The following CUL2 variants were observed in gnomAD, a reference collection of about 807,000 sequenced individuals.
The protein encoded by CUL2 is cullin-2.
In CUL2, 22 loss-of-function variants were observed where a neutral mutation model predicts 110.2. That is an observed-to-expected ratio of 0.20 (90% CI 0.14 to 0.28). The LOEUF is 0.28. CUL2 is among the 10% of genes least tolerant of loss of function. The pLI is 1.00. For synonymous variants in CUL2, 279 were observed against 293.2 expected, an observed-to-expected ratio of 0.95 and a Z score of 0.49; for missense variants, 631 against 905.5, an observed-to-expected ratio of 0.70 and a Z score of 3.89.
intron 1 of CUL2, among the ~76,000 whole-genome samples, chr10:35,076,718 A>G: frequency 6.6e-6 from 1 of 152,260 alleles, no homozygotes; most frequent in East Asian, 1.9e-4. Flanking sequence ...TAAATGGTAT[A>G]CTATTCAGAT....
intron 5 of CUL2, among the ~76,000 whole-genome samples, chr10:35,052,441 T>C (rs187185105): frequency 9.2e-4 from 140 of 152,326 alleles, no homozygotes; most frequent in Non-Finnish European, 1.5e-3. Context: ...GTTCTGCTCA[T>C]GTACCAAGAG....
At chr10:35,055,492 G>A (rs1490295244) in intron 4 of CUL2, among the ~76,000 whole-genome samples, 4 of 152,226 alleles carry the variant, frequency 2.6e-5, no homozygotes, top group African/African-American at 9.6e-5. Flanking sequence ...CAGTGCTTTG[G>A]GAGGCTGAGG....
chr10:35,051,504 T>G lies in CUL2; in HGVS notation c.424-1739A>C, dbSNP rs1356734703. Among the ~76,000 whole-genome samples, 43 of 129,486 alleles carry G rather than the reference T, an allele frequency of 3.3e-4. No homozygotes were observed. In the Middle Eastern group the frequency reaches 0.017, roughly 50 times the overall value. The allele number at this position is 129,486 out of a possible 152,430, so 84.9% of individuals were successfully genotyped here. On this transcript the variant is annotated intron_variant, in intron 5 of 20. Coordinates refer to ENST00000374749, the MANE Select transcript of CUL2 (RefSeq NM_003591.4). The stretch of plus-strand genomic sequence containing the variant: ...GGCGGGCGCCTGTAGTCCCAGCTAC[T>G]CGGGAGGCTGAGGCAGGAGAATGGC...
At chr10:35,016,936 A>G (rs550601086) in intron 17 of CUL2, among the ~76,000 whole-genome samples, 1 of 151,462 alleles carries the variant, frequency 6.6e-6, no homozygotes, top group African/African-American at 2.4e-5. Flanking sequence ...CAAAAAAAAA[A>G]AAAAAACAAA....
intron 4 of CUL2, 86 bp downstream of exon 4, chr10:35,060,788 G>A: frequency 9.5e-7 from 1 of 1,053,946 alleles, no homozygotes; most frequent in Non-Finnish European, 1.4e-6. Flanking sequence ...ATGTGAATGA[G>A]AAATAGGCAA....
At chr10:35,097,345 G>A (rs1378027225) in intron 2 of CUL2, among the ~76,000 whole-genome samples, 2 of 151,980 alleles carry the variant, frequency 1.3e-5, no homozygotes, top group Non-Finnish European at 1.5e-5. Context: ...CCTCAAGGAG[G>A]GAGGATTGCT....
At chr10:35,023,897 C>T (rs768051221) in intron 17 of CUL2, among the ~76,000 whole-genome samples, 8 of 152,110 alleles carry the variant, frequency 5.3e-5, no homozygotes, top group African/African-American at 1.7e-4. Context: ...TGCAGTGGCA[C>T]GATCATGGCT....
intron 1 of CUL2, among the ~76,000 whole-genome samples, chr10:35,106,303 T>C (rs1267088315): frequency 4.7e-5 from 7 of 147,646 alleles, no homozygotes; most frequent in African/African-American, 1.1e-4. Flanking sequence ...ATGTGTTTTT[T>C]GTTTTTTTTT....
Position 35,010,197 on chromosome 10 carries a change from A to C in CUL2, c.*114T>G, listed in dbSNP as rs1194632238. The C allele has an allele frequency of 5.2e-6, 6 of 1,155,770 alleles. No individual in the cohort carries two copies. In the Middle Eastern group the frequency reaches 8.2e-4, roughly 158 times the overall value. 71.6% of individuals were successfully genotyped at this position (1,155,770 alleles called of 1,614,324 possible). The stretch of plus-strand genomic sequence containing the variant: ...ACTGGTGATGTTGTAAACAGCAGAA[A>C]ACAGGGGCTGCCAAATGACCAAATT... On this transcript the variant is annotated 3_prime_UTR_variant, in exon 21 of 21. Transcript: ENST00000374749.
intron 1 of CUL2, among the ~76,000 whole-genome samples, 152 bp from the exon 2 acceptor site, chr10:35,071,491 G>A (rs1293888397): frequency 6.6e-6 from 1 of 152,176 alleles, no homozygotes; most frequent in African/African-American, 2.4e-5. Context: ...TGCAAGCTCC[G>A]CCTCCCAGGT....
At chr10:35,052,866 G>A (rs1449123985) in intron 5 of CUL2, among the ~76,000 whole-genome samples, 1 of 149,640 alleles carries the variant, frequency 6.7e-6, no homozygotes, top group Non-Finnish European at 1.5e-5. Context: ...CTGCACTCCA[G>A]CCTGGGTGAC....
At chr10:35,073,585 CTTTTT>C (rs889592586) in intron 1 of CUL2, among the ~76,000 whole-genome samples, 7 of 145,660 alleles carry the variant, frequency 4.8e-5, no homozygotes, top group East Asian at 2.0e-4. Context: ...CTTTTCTTTT[CTTTTT>C]TTTTTTCTTT....
chr10:35,125,672 CAAT>C (rs1280473371), intron 1 of CUL2, among the ~76,000 whole-genome samples: 1 of 152,178 alleles, frequency 6.6e-6, no homozygotes, highest in Admixed American at 6.5e-5. Context: ...TTGTTATCAT[CAAT>C]ATTATAACGA....
At chr10:35,073,980 G>GT (rs2135005260) in intron 1 of CUL2, 1 of 700,196 alleles carries the variant, frequency 1.4e-6, no homozygotes, top group Admixed American at 2.0e-5. Flanking sequence ...ACAAAGCTAT[G>GT]TAATGGTGGC....
intron 16 of CUL2, among the ~76,000 whole-genome samples, chr10:35,027,658 T>C (rs754769882): frequency 6.6e-6 from 1 of 152,142 alleles, no homozygotes; most frequent in East Asian, 1.9e-4. Flanking sequence ...TAAGGCAGGA[T>C]GGATTAATTT....
chr10:35,121,171 T>A (rs1200586494), intron 1 of CUL2, among the ~76,000 whole-genome samples: 1 of 152,146 alleles, frequency 6.6e-6, no homozygotes, highest in Non-Finnish European at 1.5e-5. Flanking sequence ...GAAAGAGTGT[T>A]AACTGAGACA....
At chr10:35,054,597 G>A (rs2384289) in intron 4 of CUL2, 58 bp from the exon 5 acceptor site, 308,722 of 866,420 alleles carry the variant, frequency 0.36, 55,645 homozygotes, top group African/African-American at 0.43. Flanking sequence ...GAAAGCAAAT[G>A]ACTTGCAACT....
chr10:35,090,804 G>A (rs2135084780), upstream of CUL2, among the ~76,000 whole-genome samples: 1 of 152,356 alleles, frequency 6.6e-6, no homozygotes, highest in East Asian at 1.9e-4. Flanking sequence ...CTACCCGTTA[G>A]TTCAGGGACT....
intron 1 of CUL2, among the ~76,000 whole-genome samples, chr10:35,112,423 T>C (rs2087534622): frequency 6.6e-6 from 1 of 152,198 alleles, no homozygotes; most frequent in South Asian, 2.1e-4. Flanking sequence ...GAGGGAGTTT[T>C]CAGGCTCCAG....
Sources: allele counts gnomAD v4.1 joint callset (sites outside exome capture counted in the v4.1 genomes callset), GRCh38; gene constraint gnomAD v4.1.1; transcripts MANE v1.5; gene names NCBI Gene and HGNC (gene_info 2026-07-23, HGNC 2026-07-21).